The following ZRANB1 variants were observed in gnomAD, a reference collection of about 807,000 sequenced individuals.
ZRANB1 encodes ubiquitin thioesterase ZRANB1.
A neutral mutation model predicts 80.5 loss-of-function variants in ZRANB1; 16 were observed. The ratio of observed to expected loss-of-function variants is 0.20; its 90% confidence interval spans 0.13 to 0.30. ZRANB1 has a LOEUF of 0.30. ZRANB1 is among the 10% of genes least tolerant of loss of function. The pLI, the probability that ZRANB1 is intolerant of heterozygous loss-of-function variation, is 1.00. For missense variants in ZRANB1, 576 were observed against 862.6 expected, an observed-to-expected ratio of 0.67 and a Z score of 4.16; for synonymous variants, 291 against 293.1, an observed-to-expected ratio of 0.99 and a Z score of 0.07.
At chr10:124,933,200 G>T in the ZRANB1 span, among the ~76,000 whole-genome samples, 2 of 128,506 alleles carry the variant, frequency 1.6e-5, no homozygotes, top group African/African-American at 5.5e-5. Flanking sequence ...GCAATGGCGC[G>T]ATCTCGGCTC....
chr10:124,919,586 G>GTT, the ZRANB1 span, among the ~76,000 whole-genome samples: 1 of 136,484 alleles, frequency 7.3e-6, no homozygotes, highest in Non-Finnish European at 1.6e-5. Flanking sequence ...TTTGGTTCAG[G>GTT]TTTTTTTTTT....
chr10:124,955,155 C>G (rs1329606503), intron 1 of ZRANB1, among the ~76,000 whole-genome samples: 1 of 151,776 alleles, frequency 6.6e-6, no homozygotes, highest in Admixed American at 6.6e-5. Flanking sequence ...ACAACCAAAA[C>G]CCACCTAATT....
At chr10:124,925,952 GGTTATAGCCTGTT>G in the ZRANB1 span, among the ~76,000 whole-genome samples, 1 of 152,130 alleles carries the variant, frequency 6.6e-6, no homozygotes, top group East Asian at 1.9e-4. Flanking sequence ...GTAGGCCATG[GGTTATAGCCTGTT>G]GTTCCTAGGC....
At chr10:124,924,575 A>G in the ZRANB1 span, among the ~76,000 whole-genome samples, 7 of 152,348 alleles carry the variant, frequency 4.6e-5, no homozygotes, top group East Asian at 1.3e-3. Flanking sequence ...ATTGTACAAT[A>G]TATGACCGTT....
At chr10:124,969,389 G>A (rs1951802121) in intron 2 of ZRANB1, among the ~76,000 whole-genome samples, 1 of 152,140 alleles carries the variant, frequency 6.6e-6, no homozygotes, top group Non-Finnish European at 1.5e-5. Context: ...GAATTAAAGG[G>A]GCCAGTAGGG....
chr10:124,975,592 A>G (rs1341470967), intron 5 of ZRANB1, among the ~76,000 whole-genome samples: 1 of 152,156 alleles, frequency 6.6e-6, no homozygotes, highest in Non-Finnish European at 1.5e-5. Context: ...CATTTGTTTG[A>G]CTTATGTGGT....
At chr10:124,939,891 C>G (rs1951520066), upstream of ZRANB1, among the ~76,000 whole-genome samples, 2 of 152,068 alleles carry the variant, frequency 1.3e-5, no homozygotes, top group South Asian at 4.1e-4. Context: ...CATTTTTGGG[C>G]TGCTATCAGT....
At chr10:124,979,007 T>A (rs1459289161) in intron 5 of ZRANB1, among the ~76,000 whole-genome samples, 1 of 152,022 alleles carries the variant, frequency 6.6e-6, no homozygotes, top group African/African-American at 2.4e-5. Context: ...AAGACCAGCC[T>A]GGGCAACATA....
the ZRANB1 span, among the ~76,000 whole-genome samples, chr10:124,918,759 G>A: frequency 1.3e-5 from 2 of 152,062 alleles, no homozygotes; most frequent in East Asian, 3.8e-4. Context: ...ATTAAATGAG[G>A]GAATTCTAAA....
rs374141728 is a variant in ZRANB1, at chr10:124,974,194, G to A, written c.1229-6G>A. On this transcript the variant is annotated splice_polypyrimidine_tract_variant and splice_region_variant and intron_variant, in intron 4 of 8. Coordinates refer to ENST00000359653, the MANE Select transcript of ZRANB1 (RefSeq NM_017580.3). ...AAATGAACATGTATTTAAATCCATC[G>A]TACAGAATTAGAAGAAGAATCTCCA... 2.9e-5 allele frequency: 46 copies of A among 1,613,678 alleles called. No individual in the cohort carries two copies. The African/African-American group carries it at 4.8e-4, about 17-fold the overall frequency.
chr10:124,954,240 C>T (rs2134260716), intron 1 of ZRANB1, among the ~76,000 whole-genome samples: 1 of 147,106 alleles, frequency 6.8e-6, no homozygotes, highest in South Asian at 2.1e-4. Flanking sequence ...CCCGATTCAG[C>T]CTCCCAAAGC....
Position 124,987,678 on chromosome 10 carries a change from G to T in ZRANB1, c.*2686G>T, listed in dbSNP as rs1457577469. The T allele has an allele frequency of 6.6e-6, 1 of 152,188 alleles. No homozygotes were observed. Among genetic ancestry groups the T allele is most frequent in the Non-Finnish European group, 1.5e-5 (1 of 68,028 alleles). The allele number at this position is 152,188 out of a possible 1,614,324, so 9.4% of individuals were successfully genotyped here. On this transcript the variant is annotated 3_prime_UTR_variant, in exon 9 of 9. Coordinates refer to ENST00000359653, the MANE Select transcript of ZRANB1 (RefSeq NM_017580.3). ...TGTTAATAGACACTTTTATGGTAGA[G>T]TTGGGATGGGGCCACCACCTTAAAA...
rs1423741700 is a variant in ZRANB1 at position 124,987,201 on chromosome 10, T to C, written c.*2209T>C. On this transcript the variant is annotated 3_prime_UTR_variant, in exon 9 of 9. Transcript: ENST00000359653. ...ATAATTATTGTCCCAAGATAGAATA[T>C]AGTCCTTTTTCAAAGATGATTATAC... is the stretch of plus-strand genomic sequence containing the variant. 2 of 149,016 alleles carry C rather than the reference T, an allele frequency of 1.3e-5. No individual in the cohort carries two copies. The highest frequency in any genetic ancestry group is 6.7e-5 in the Admixed American group (1 of 14,870). 9.2% of individuals were successfully genotyped at this position (149,016 alleles called of 1,614,324 possible).
chr10:124,973,521 C>A, intron 3 of ZRANB1, 124 bp from the exon 4 acceptor site: 1 of 787,066 alleles, frequency 1.3e-6, no homozygotes, highest in Non-Finnish European at 2.1e-6. Flanking sequence ...TATCTGATAA[C>A]CTTCAATGGA....
intron 1 of ZRANB1, among the ~76,000 whole-genome samples, chr10:124,963,481 C>A (rs1951750588): frequency 6.6e-6 from 1 of 151,078 alleles, no homozygotes; most frequent in Admixed American, 6.6e-5. Context: ...CTTTTTATCC[C>A]CTGACATTAA....
At chr10:124,921,849 T>G in the ZRANB1 span, among the ~76,000 whole-genome samples, 27 of 152,174 alleles carry the variant, frequency 1.8e-4, no homozygotes, top group East Asian at 4.2e-3. Context: ...AAGGGTGGTA[T>G]TTTGGTTAAT....
At chr10:124,921,953 C>T in the ZRANB1 span, among the ~76,000 whole-genome samples, 9 of 151,832 alleles carry the variant, frequency 5.9e-5, no homozygotes, top group Admixed American at 2.6e-4. Context: ...TTTCTGCTGC[C>T]TAGTGAATTA....
chr10:124,957,745 G>A (rs181621768), intron 1 of ZRANB1, among the ~76,000 whole-genome samples: 13 of 145,504 alleles, frequency 8.9e-5, no homozygotes, highest in East Asian at 6.0e-4. Context: ...TTTTTTTTTC[G>A]AGAGGAAGTT....
upstream of ZRANB1, chr10:124,942,085 T>C (rs1474021823): frequency 3.1e-6 from 3 of 968,420 alleles, no homozygotes; most frequent in East Asian, 1.9e-4. Flanking sequence ...TCCTCTACCT[T>C]TGTCTCTTTA....
Sources: allele counts gnomAD v4.1 joint callset (sites outside exome capture counted in the v4.1 genomes callset), GRCh38; gene constraint gnomAD v4.1.1; transcripts MANE v1.5; gene names NCBI Gene and HGNC (gene_info 2026-07-23, HGNC 2026-07-21).